PSD3: variants seen among roughly 807,000 people sequenced by gnomAD.
PSD3 encodes the protein PH and SEC7 domain-containing protein 3.
In PSD3, 49 loss-of-function variants were observed where a neutral mutation model predicts 105.5. The observed-to-expected ratio is 0.46, with a 90% CI of 0.37 to 0.59. The LOEUF (loss-of-function observed/expected upper bound fraction) is 0.59. Ranked by LOEUF, PSD3 falls within the 20% of genes least tolerant of loss-of-function variation. PSD3 has a pLI of 0.00. For synonymous variants in PSD3, 557 were observed against 457.8 expected (o/e 1.22, Z -2.77); for missense variants, 1,561 against 1,263.8 (o/e 1.24, Z -3.57).
In PSD3 at chr8:18,871,300, T is replaced by A. The variant is rs138718749; in HGVS notation, c.1238+326A>T. On this transcript the variant is annotated intron_variant, in intron 3 of 15. Transcript: ENST00000327040. ...AAAGATGACTGTGGGGTATGTTAGT[T>A]ACCTTGACGTTGGGAAACTTGAAAT... Among the ~76,000 whole-genome samples the A allele has an allele frequency of 2.0e-3, 306 of 152,318 alleles. 2 individuals carry two copies. The highest frequency in any genetic ancestry group is 0.017 in the South Asian group (84 of 4,818).
rs113999844 is a variant in PSD3, at chr8:18,824,412, T to C, written c.1635-19514A>G. Among the ~76,000 whole-genome samples the C allele has an allele frequency of 5.9e-3, 902 of 152,286 alleles. 17 individuals are homozygous for C. The highest frequency in any genetic ancestry group is 0.021 in the African/African-American group (857 of 41,558). On this transcript the variant is annotated intron_variant, in intron 4 of 15. Transcript: ENST00000327040. ...CCAAAGTTCAGGTCTCAGCTCTAAA[T>C]TATGTCACCTTTCTCATCCTTAGTT...
At chr8:19,081,447 A>G (rs988661969) in intron 1 of PSD3, among the ~76,000 whole-genome samples, 9 of 152,202 alleles carry the variant, frequency 5.9e-5, no homozygotes, top group Admixed American at 5.9e-4. Flanking sequence ...GGGGGTAGAC[A>G]ACTTGAGGGC....
intron 1 of PSD3, among the ~76,000 whole-genome samples, chr8:18,996,582 G>T (rs1329128900): frequency 2.0e-5 from 3 of 151,800 alleles, no homozygotes; most frequent in Non-Finnish European, 4.4e-5. Context: ...AAGGTCCTTT[G>T]GGAATTATGC....
chr8:18,726,073 G>C (rs927698390), intron 9 of PSD3, among the ~76,000 whole-genome samples: 71 of 152,170 alleles, frequency 4.7e-4, no homozygotes, highest in Non-Finnish European at 1.2e-4. Flanking sequence ...GTTCATGGAC[G>C]TTATTGAAAG....
At chr8:19,005,477 T>G (rs964173420) in intron 1 of PSD3, among the ~76,000 whole-genome samples, 2 of 151,784 alleles carry the variant, frequency 1.3e-5, no homozygotes, top group South Asian at 2.1e-4. Context: ...CTGGAATTTT[T>G]GGGGTTTTTT....
intron 1 of PSD3, among the ~76,000 whole-genome samples, chr8:18,965,280 A>G (rs945711419): frequency 8.5e-5 from 13 of 152,302 alleles, no homozygotes; most frequent in African/African-American, 3.1e-4. Context: ...ACACTCAGTT[A>G]TATGTCAGGT....
At chr8:18,817,736 T>A (rs573450975) in intron 4 of PSD3, among the ~76,000 whole-genome samples, 14 of 152,298 alleles carry the variant, frequency 9.2e-5, no homozygotes, top group African/African-American at 3.4e-4. Flanking sequence ...GAGACTCTGA[T>A]CAGCGGAAAT....
intron 4 of PSD3, among the ~76,000 whole-genome samples, chr8:18,839,093 T>C (rs1001017487): frequency 6.6e-6 from 1 of 151,878 alleles, no homozygotes; most frequent in Non-Finnish European, 1.5e-5. Context: ...CACTACTTCC[T>C]GCACTGAGCT....
At chr8:18,987,599 T>G (rs1414360798) in intron 1 of PSD3, among the ~76,000 whole-genome samples, 1 of 152,016 alleles carries the variant, frequency 6.6e-6, no homozygotes, top group African/African-American at 2.4e-5. Flanking sequence ...CAGAGGATCA[T>G]TTGAAGCCAG....
Position 18,556,496 on chromosome 8 carries a change from G to A in PSD3, c.2785-144C>T, listed in dbSNP as rs139608302. ...GTGCCTCTGCTGCCACATCCTTCCA[G>A]CTTTCTCACGCCCCTGTCCACATAT... On this transcript the variant is annotated intron_variant, in intron 14 of 15. Coordinates refer to ENST00000327040, the MANE Select transcript of PSD3 (RefSeq NM_015310.4). The A allele has an allele frequency of 4.3e-5, 35 of 805,478 alleles. No individual in the cohort carries two copies. In the East Asian group the frequency reaches 8.9e-4, roughly 20 times the overall value. 49.9% of individuals were successfully genotyped at this position (805,478 alleles called of 1,614,324 possible). A position where few individuals can be genotyped will look rare whatever the true frequency, so the allele number is the denominator to read the frequency against.
At chr8:18,697,618 A>T (rs1217202274) in intron 9 of PSD3, among the ~76,000 whole-genome samples, 2 of 152,220 alleles carry the variant, frequency 1.3e-5, no homozygotes, top group Non-Finnish European at 2.9e-5. Flanking sequence ...AGTTCTAAGA[A>T]AAGAACATGG....
At chr8:18,864,435 C>T (rs1816676516) in intron 4 of PSD3, among the ~76,000 whole-genome samples, 2 of 152,214 alleles carry the variant, frequency 1.3e-5, no homozygotes, top group African/African-American at 4.8e-5. Flanking sequence ...ATATGACACA[C>T]AATTATGTTC....
intron 9 of PSD3, among the ~76,000 whole-genome samples, chr8:18,699,739 G>A (rs76737496): frequency 0.022 from 3,367 of 149,726 alleles, 99 homozygotes; most frequent in African/African-American, 0.079. Flanking sequence ...GGCATGGTAG[G>A]CTATAGAATG....
intron 1 of PSD3, among the ~76,000 whole-genome samples, chr8:18,949,866 A>ACT (rs1554550782): frequency 6.6e-6 from 1 of 151,902 alleles, no homozygotes; most frequent in Non-Finnish European, 1.5e-5. Context: ...GTCTTGATAA[A>ACT]TTTTTTCATC....
At chr8:18,902,877 T>A (rs899725743) in intron 2 of PSD3, among the ~76,000 whole-genome samples, 2 of 152,158 alleles carry the variant, frequency 1.3e-5, no homozygotes, top group African/African-American at 4.8e-5. Flanking sequence ...GTCCTCCTAT[T>A]CTCATTTTCC....
intron 4 of PSD3, among the ~76,000 whole-genome samples, chr8:18,852,057 G>C (rs17127330): frequency 0.034 from 5,138 of 152,130 alleles, 85 homozygotes; most frequent in Middle Eastern, 0.048. Context: ...TGAATTAAAT[G>C]TAAGACCTTT....
chr8:19,008,721 C>T (rs938734458), intron 1 of PSD3, among the ~76,000 whole-genome samples: 3 of 152,184 alleles, frequency 2.0e-5, no homozygotes, highest in African/African-American at 7.2e-5. Flanking sequence ...ACCAAACAGG[C>T]ATAAGAAAAC....
chr8:18,677,963 TCA>T (rs1800160531), intron 9 of PSD3, among the ~76,000 whole-genome samples: 4 of 147,318 alleles, frequency 2.7e-5, no homozygotes, highest in Non-Finnish European at 5.9e-5. Flanking sequence ...TGAGCCGAGA[TCA>T]GGCCACTGCA....
chr8:18,586,672 C>T (rs896566696), intron 12 of PSD3, among the ~76,000 whole-genome samples: 3 of 152,068 alleles, frequency 2.0e-5, no homozygotes, highest in East Asian at 1.9e-4. Flanking sequence ...TGAATTCTTT[C>T]GAAGACCAAT....
Sources: gnomAD v4.1 joint callset for allele counts (sites outside exome capture counted in the v4.1 genomes callset) on GRCh38, gnomAD v4.1.1 for gene constraint, MANE v1.5 for transcripts, NCBI Gene and HGNC (gene_info 2026-07-23, HGNC 2026-07-21) for gene names.